The following HERC6 variants were observed in gnomAD, a reference collection of about 807,000 sequenced individuals.
HERC6 encodes the protein HECT and RLD domain containing E3 ubiquitin protein ligase family member 6, also known as probable E3 ubiquitin-protein ligase HERC6.
HERC6 carries 101 observed loss-of-function variants against 114.5 expected under a neutral mutation model. The observed-to-expected ratio is 0.88, with a 90% CI of 0.75 to 1.04. The LOEUF (loss-of-function observed/expected upper bound fraction) is 1.04, where lower values mean the gene tolerates loss of function less well. HERC6 is among the 50% of genes least tolerant of loss of function. The pLI is 0.00. For missense variants in HERC6, 1,133 were observed against 1,230.9 expected (o/e 0.92, Z 1.19); for synonymous variants, 408 against 436.2 (o/e 0.94, Z 0.81).
At chr4:88,403,615 A>G (rs1735659420) in intron 8 of HERC6, among the ~76,000 whole-genome samples, 1 of 152,022 alleles carries the variant, frequency 6.6e-6, no homozygotes, top group Non-Finnish European at 1.5e-5. Context: ...TTAGCTGGGC[A>G]CAGTGGCAGG....
chr4:88,393,832 A>G (rs1440850992), intron 5 of HERC6, among the ~76,000 whole-genome samples: 1 of 152,112 alleles, frequency 6.6e-6, no homozygotes. Context: ...CAGATACCAT[A>G]TTTTCACTGT....
At chr4:88,421,764 C>T (rs74461480) in intron 13 of HERC6, among the ~76,000 whole-genome samples, 2,710 of 152,180 alleles carry the variant, frequency 0.018, 85 homozygotes, top group African/African-American at 0.062. Flanking sequence ...ACATTCTTGC[C>T]AACACTTGTT....
chr4:88,423,948 G>C lies in HERC6; in HGVS notation c.1802G>C (p.Arg601Thr). ...TTAAACTTTTATATAGATAGAGGAA[G>C]ACAGCTCTTTCGGGATAACCACCTG... ...NLLNFYIDRG[R>T]QLFRDNHLIP... The change falls in exon 14 of 23, where the codon AGA (arginine) becomes ACA (threonine). Residue 601 changes from arginine to threonine, a missense_variant. Coordinates refer to ENST00000264346, the MANE Select transcript of HERC6 (RefSeq NM_017912.4). The C allele has an allele frequency of 1.3e-6, 2 of 1,533,330 alleles. No homozygotes were observed. Among genetic ancestry groups the C allele is most frequent in the Non-Finnish European group, 1.8e-6 (2 of 1,134,322 alleles). 95.0% of individuals were successfully genotyped at this position (1,533,330 alleles called of 1,614,324 possible).
chr4:88,402,739 C>A (rs1487433754), intron 8 of HERC6, among the ~76,000 whole-genome samples: 1 of 152,132 alleles, frequency 6.6e-6, no homozygotes, highest in Non-Finnish European at 1.5e-5. Context: ...CAAGAAGAGG[C>A]AGATGACATA....
At chr4:88,414,086 C>G (rs1736286213) in intron 12 of HERC6, among the ~76,000 whole-genome samples, 1 of 152,160 alleles carries the variant, frequency 6.6e-6, no homozygotes, top group African/African-American at 2.4e-5. Context: ...CCTTTTCCAG[C>G]ATCTGCTGAC....
intron 20 of HERC6, among the ~76,000 whole-genome samples, chr4:88,439,383 AAG>A (rs1220072650): frequency 6.7e-6 from 1 of 149,322 alleles, no homozygotes; most frequent in African/African-American, 2.6e-5. Flanking sequence ...AGAAAGAAAG[AAG>A]AAAGAAAGAA....
At chr4:88,386,311 T>G (rs904608102) in intron 3 of HERC6, among the ~76,000 whole-genome samples, 1 of 151,812 alleles carries the variant, frequency 6.6e-6, no homozygotes, top group Non-Finnish European at 1.5e-5. Flanking sequence ...GTTCAGGCGA[T>G]TCTCCTGCCT....
intron 6 of HERC6, among the ~76,000 whole-genome samples, chr4:88,396,537 A>G (rs931718890): frequency 1.3e-5 from 2 of 152,234 alleles, no homozygotes; most frequent in Non-Finnish European, 2.9e-5. Flanking sequence ...TTGAGTGTTT[A>G]AATATCTACC....
chr4:88,390,468 G>A (rs1003631093), intron 3 of HERC6, among the ~76,000 whole-genome samples, 184 bp from the exon 4 acceptor site: 3 of 152,090 alleles, frequency 2.0e-5, no homozygotes, highest in Admixed American at 6.5e-5. Context: ...AGCTGATTGC[G>A]ACAATCATTT....
intron 2 of HERC6, among the ~76,000 whole-genome samples, chr4:88,383,950 G>T (rs1242870096): frequency 1.3e-5 from 2 of 151,842 alleles, no homozygotes; most frequent in East Asian, 1.9e-4. Context: ...TATAACTGTG[G>T]GGGCCAACTT....
At chr4:88,418,721 TTTTG>T (rs566212554) in intron 13 of HERC6, among the ~76,000 whole-genome samples, 35 of 152,244 alleles carry the variant, frequency 2.3e-4, no homozygotes, top group Admixed American at 9.2e-4. Context: ...TGTGTGATTT[TTTTG>T]TTTGTTTGTT....
intron 20 of HERC6, among the ~76,000 whole-genome samples, chr4:88,438,385 G>A (rs1738984098): frequency 6.6e-6 from 1 of 151,966 alleles, no homozygotes; most frequent in Non-Finnish European, 1.5e-5. Flanking sequence ...ATTCCAGTGG[G>A]GCAGAAAGAC....
rs980677247 is a variant in HERC6, at chr4:88,435,907, G to A, written c.2417+16G>A. 2.1e-5 allele frequency: 34 copies of A among 1,584,238 alleles called. No homozygotes were observed. The African/African-American group carries it at 2.6e-4, about 12-fold the overall frequency. ...GGTTGGGGAAGTAAGTAAATATAAC[G>A]TTTTTTCAGGACCGTATCTAGTAAG... On this transcript the variant is annotated intron_variant, in intron 18 of 22. Coordinates refer to ENST00000264346, the MANE Select transcript of HERC6 (RefSeq NM_017912.4).
chr4:88,396,391 T>G (rs1380961624), intron 6 of HERC6, among the ~76,000 whole-genome samples: 1 of 152,160 alleles, frequency 6.6e-6, no homozygotes, highest in Non-Finnish European at 1.5e-5. Flanking sequence ...GGGAAGTAGA[T>G]TGATAAAAAT....
At chr4:88,417,617 T>C (rs756416681) in intron 13 of HERC6, 38 bp downstream of exon 13, 31 of 1,558,818 alleles carry the variant, frequency 2.0e-5, no homozygotes, top group South Asian at 1.6e-4. Flanking sequence ...TACTATTTTA[T>C]GTAATCAAAA....
At chr4:88,435,928 G>A in intron 18 of HERC6, 37 bp downstream of exon 18, 1 of 1,474,280 alleles carries the variant, frequency 6.8e-7, no homozygotes, top group South Asian at 1.4e-5. Flanking sequence ...ACCGTATCTA[G>A]TAAGTCTCAG....
chr4:88,378,958 C>A lies in HERC6; in HGVS notation c.37C>A (p.Gln13Lys). 2 of 1,594,820 alleles carry A rather than the reference C, an allele frequency of 1.3e-6. No homozygotes were observed. Among genetic ancestry groups the A allele is most frequent in the South Asian group, 1.1e-5 (1 of 87,998 alleles). ...FCWGADSREL[Q>K]RRRTAGSPGA... ...TTGGGGCGCCGACTCCAGGGAGCTG[C>A]AGCGCCGGAGGACGGCGGGCAGCCC... is the stretch of plus-strand genomic sequence containing the variant. The change falls in exon 1 of 23, where the codon CAG becomes AAG. Residue 13 changes from glutamine (Q) to lysine (K), a missense_variant. By Grantham distance (53) the Gln-to-Lys change is moderately conservative. Around this residue, in one of 3 missense-constraint regions of HERC6, gnomAD observed 735 missense variants for 754.0 expected, o/e 0.97. Coordinates refer to ENST00000264346, the MANE Select transcript of HERC6 (RefSeq NM_017912.4).
At chr4:88,398,390 C>A in intron 8 of HERC6, 181 bp downstream of exon 8, 1 of 423,418 alleles carries the variant, frequency 2.4e-6, no homozygotes, top group Non-Finnish European at 4.2e-6. Flanking sequence ...GTCAACTTTC[C>A]TAACAGATTA....
rs1735778534 is a variant in HERC6, at chr4:88,405,572, T to G, written c.1233T>G (p.Phe411Leu). 9.1e-6 allele frequency: 14 copies of G among 1,539,090 alleles called. No individual in the cohort carries two copies. Among genetic ancestry groups the G allele is most frequent in the Non-Finnish European group, 1.2e-5 (14 of 1,133,184 alleles). The change falls in exon 10 of 23, where the codon TTT (phenylalanine) becomes TTG (leucine). Residue 411 changes from phenylalanine to leucine, a missense_variant. Around this residue, in one of 3 missense-constraint regions of HERC6, gnomAD observed 735 missense variants for 754.0 expected, o/e 0.97. Transcript: ENST00000264346. The stretch of plus-strand genomic sequence containing the variant: ...TTTACAGTGAAATTAGAATGATATT[T>G]TCATCTCCTGCTTGTCTGACTGCAA... Reference protein sequence around the residue: ...EMAKSEIRMIFSSPACLTASF... With the variant: ...EMAKSEIRMILSSPACLTASF...
Sources: allele counts gnomAD v4.1 joint callset (sites outside exome capture counted in the v4.1 genomes callset), GRCh38; gene constraint gnomAD v4.1.1; regional missense constraint gnomAD v4.1.1; transcripts MANE v1.5; gene names NCBI Gene and HGNC (gene_info 2026-07-23, HGNC 2026-07-21).